DNTT: variants seen among roughly 807,000 people sequenced by gnomAD.
DNTT encodes the protein nucleosidetriphosphate:DNA deoxynucleotidylexotransferase.
Under a neutral mutation model 60.9 loss-of-function variants are expected in DNTT, and 47 were observed. The ratio of observed to expected loss-of-function variants is 0.77; its 90% confidence interval spans 0.61 to 0.98. The LOEUF is 0.98. Ranked by LOEUF, DNTT falls within the 50% of genes least tolerant of loss-of-function variation. The pLI, the probability that DNTT is intolerant of heterozygous loss-of-function variation, is 0.00. For synonymous variants in DNTT, 224 were observed against 221.2 expected (o/e 1.01, Z -0.11); for missense variants, 665 against 627.5 (o/e 1.06, Z -0.64).
At chr10:96,304,918 A>G (rs936901177) in intron 1 of DNTT, among the ~76,000 whole-genome samples, 2 of 152,174 alleles carry the variant, frequency 1.3e-5, no homozygotes, top group African/African-American at 4.8e-5. Flanking sequence ...AAAAGATGAG[A>G]TAAATTTTTT....
chr10:96,318,668 C>A (rs549171215), intron 2 of DNTT, 142 bp downstream of exon 2: 10 of 918,430 alleles, frequency 1.1e-5, no homozygotes, highest in Non-Finnish European at 1.6e-5. Context: ...CTTTACTGAG[C>A]TTCAGTCTCT....
At chr10:96,327,239 C>A (rs1844946825) in intron 6 of DNTT, among the ~76,000 whole-genome samples, 2 of 152,160 alleles carry the variant, frequency 1.3e-5, no homozygotes, top group Admixed American at 1.3e-4. Context: ...TTGTCTCCTT[C>A]TCAGGAAATT....
In DNTT at chr10:96,305,774, T is replaced by C. The variant is rs1844626585; in HGVS notation, c.203+1074T>C. ...CATATTTCAAAAGTCAATTTTCAGA[T>C]ATGTTAATGTTCGCAACACCCTGAT... is the stretch of plus-strand genomic sequence containing the variant. On this transcript the variant is annotated intron_variant, in intron 1 of 10. Transcript: ENST00000371174. 2.0e-5 allele frequency among the ~76,000 whole-genome samples: 3 copies of C among 152,362 alleles called. No individual in the cohort carries two copies. The South Asian group carries it at 6.2e-4, about 32-fold the overall frequency.
At chr10:96,328,661 GATTTTTTAAAAATGAAGACTA>G (rs1360929493) in intron 7 of DNTT, 43 bp from the exon 8 acceptor site, 8 of 1,530,620 alleles carry the variant, frequency 5.2e-6, no homozygotes, top group Non-Finnish European at 7.1e-6. Context: ...AAACAAAGGT[GATTTTTTAAAAATGAAGACTA>G]ATATCTAATT....
intron 8 of DNTT, among the ~76,000 whole-genome samples, chr10:96,331,653 C>T (rs1845008267): frequency 6.6e-6 from 1 of 152,202 alleles, no homozygotes; most frequent in Admixed American, 6.5e-5. Flanking sequence ...AAAGACCTCC[C>T]ATTAGGCCCC....
intron 6 of DNTT, 134 bp from the exon 7 acceptor site, chr10:96,327,334 T>A: frequency 7.6e-7 from 1 of 1,315,894 alleles, no homozygotes; most frequent in Non-Finnish European, 1.1e-6. Context: ...ATTCTGTCTC[T>A]GTGGGAATGG....
At position 96,319,322 on chromosome 10, in the gene DNTT, G is replaced by A. The variant is rs772085014; in HGVS notation, c.439G>A (p.Val147Ile). The change falls in exon 3 of 11, where the codon GTA becomes ATA. Residue 147 changes from valine to isoleucine, a missense_variant. Val to Ile is a conservative substitution (Grantham distance 29, BLOSUM62 3). Coordinates refer to ENST00000371174, the MANE Select transcript of DNTT (RefSeq NM_004088.4). ...CCCCCCGAAGACTCCACCAATTGCT[G>A]TACAAAAGATCTCCCAGTATGCGTG... ...PGPPKTPPIAVQKISQYACQR... is the reference protein window; with the variant it reads ...PGPPKTPPIAIQKISQYACQR... 1.9e-6 allele frequency: 3 copies of A among 1,613,860 alleles called. No individual in the cohort carries two copies. The highest frequency in any genetic ancestry group is 2.5e-6 in the Non-Finnish European group (3 of 1,179,816).
At chr10:96,315,928 C>T (rs1844780336) in intron 1 of DNTT, among the ~76,000 whole-genome samples, 1 of 152,072 alleles carries the variant, frequency 6.6e-6, no homozygotes, top group Admixed American at 6.6e-5. Context: ...TATCCATCTT[C>T]CTTTAATTCT....
At chr10:96,311,790 C>A (rs1453720827) in intron 1 of DNTT, among the ~76,000 whole-genome samples, 1 of 152,124 alleles carries the variant, frequency 6.6e-6, no homozygotes, top group South Asian at 2.1e-4. Context: ...ATTACAGGCA[C>A]GTGCCACCAC....
rs148791733 is a variant in DNTT at position 96,304,543 on chromosome 10, C to T, written c.46C>T (p.Pro16Ser). The T allele has an allele frequency of 4.5e-5, 73 of 1,614,120 alleles. No homozygotes were observed. The African/African-American group carries it at 9.2e-4, about 20-fold the overall frequency. Residue 16 changes from proline to serine, a missense_variant, in exon 1 of 11, where the codon CCC becomes TCC. Transcript: ENST00000371174. ...CCACTTGAGCCCTCGGAAGAAGAGA[C>T]CCCGGCAGACGGGTGCCTTGATGGC... ...ASHLSPRKKR[P>S]RQTGALMASS...
intron 6 of DNTT, 102 bp downstream of exon 6, chr10:96,324,491 C>T (rs375777683): frequency 2.0e-6 from 3 of 1,519,560 alleles, no homozygotes; most frequent in Non-Finnish European, 2.7e-6. Context: ...AGAGCTGGGA[C>T]ACTTCTTTGA....
chr10:96,333,444 C>T (rs1197897051), intron 9 of DNTT, among the ~76,000 whole-genome samples: 1 of 152,178 alleles, frequency 6.6e-6, no homozygotes, highest in Non-Finnish European at 1.5e-5. Flanking sequence ...CCATATGATC[C>T]AGCAATCTTA....
chr10:96,334,751 C>T (rs1845047989), intron 9 of DNTT, among the ~76,000 whole-genome samples: 2 of 152,142 alleles, frequency 1.3e-5, no homozygotes, highest in Non-Finnish European at 2.9e-5. Context: ...GTCTGATAGA[C>T]ATAAATCTTT....
At chr10:96,327,370 T>C in intron 6 of DNTT, 98 bp from the exon 7 acceptor site, 1 of 1,554,198 alleles carries the variant, frequency 6.4e-7, no homozygotes, top group Non-Finnish European at 8.9e-7. Context: ...CCTGTAGTCA[T>C]GTTAGCTCTA....
intron 1 of DNTT, among the ~76,000 whole-genome samples, chr10:96,316,298 T>G (rs750855039): frequency 5.7e-4 from 87 of 152,238 alleles, no homozygotes; most frequent in Admixed American, 2.3e-3. Context: ...TCCTCTGCTT[T>G]TCTGTGCCAG....
chr10:96,305,802 A>G lies in DNTT; in HGVS notation c.203+1102A>G, dbSNP rs747732268. On this transcript the variant is annotated intron_variant, in intron 1 of 10. Transcript: ENST00000371174. ...GTTAATGTTCGCAACACCCTGATTC[A>G]TATGACATTGACTTTTCATTCATTT... is the stretch of plus-strand genomic sequence containing the variant. 4.1e-4 allele frequency among the ~76,000 whole-genome samples: 62 copies of G among 152,214 alleles called. 2 individuals carry two copies. Among genetic ancestry groups the G allele is most frequent in the Admixed American group, 1.3e-3 (20 of 15,284 alleles).
At chr10:96,320,933 C>T in intron 4 of DNTT, 145 bp downstream of exon 4, 1 of 689,948 alleles carries the variant, frequency 1.4e-6, no homozygotes, top group Non-Finnish European at 2.1e-6. Context: ...CTCTCTCTCT[C>T]CTCTGTCTCT....
At chr10:96,333,575 C>T (rs187051712) in intron 9 of DNTT, among the ~76,000 whole-genome samples, 1 of 152,310 alleles carries the variant, frequency 6.6e-6, no homozygotes. Context: ...CCTAAGCATC[C>T]ACAGCAGATG....
intron 7 of DNTT, 124 bp from the exon 8 acceptor site, chr10:96,328,599 TAA>T: frequency 1.2e-6 from 1 of 863,966 alleles, no homozygotes; most frequent in Non-Finnish European, 1.7e-6. Flanking sequence ...TTTTGTTTCT[TAA>T]AAAAAAGTCA....
Sources: allele counts gnomAD v4.1 joint callset (sites outside exome capture counted in the v4.1 genomes callset), GRCh38; gene constraint gnomAD v4.1.1; transcripts MANE v1.5; gene names NCBI Gene and HGNC (gene_info 2026-07-23, HGNC 2026-07-21).